The following PRUNE2 variants were observed in gnomAD, a reference collection of about 807,000 sequenced individuals.
PRUNE2 encodes protein prune homolog 2.
Under a neutral mutation model 252.0 loss-of-function variants are expected in PRUNE2, and 164 were observed. The ratio of observed to expected loss-of-function variants is 0.65; its 90% CI spans 0.57 to 0.74. The LOEUF (loss-of-function observed/expected upper bound fraction) is 0.74, where lower values mean the gene tolerates loss of function less well. Among genes scored for constraint, PRUNE2 ranks in the 30% least tolerant of loss-of-function variants. The pLI, the probability that PRUNE2 is intolerant of heterozygous loss-of-function variation, is 0.00. For synonymous variants in PRUNE2, 1,292 were observed against 1,350.2 expected (o/e 0.96, Z 0.94); for missense variants, 3,495 against 3,711.0 (o/e 0.94, Z 1.51).
At chr9:76,834,275 T>A (rs1489022120) in intron 4 of PRUNE2, among the ~76,000 whole-genome samples, 1 of 151,996 alleles carries the variant, frequency 6.6e-6, no homozygotes, top group Non-Finnish European at 1.5e-5. Flanking sequence ...AAAGTATAAA[T>A]AAAGGAAAAT....
rs571779075 is a variant in PRUNE2 at position 76,837,247 on chromosome 9, T to G, written c.508+9268A>C. ...TCACAAGGTGAAGCGATTGAGACCATCCTGGCCAACATGGTGAAACCCCGT... is the reference window on the plus strand; with the variant it reads ...TCACAAGGTGAAGCGATTGAGACCAGCCTGGCCAACATGGTGAAACCCCGT... On this transcript the variant is annotated intron_variant, in intron 4 of 18. Transcript: ENST00000376718. 5.0e-3 allele frequency among the ~76,000 whole-genome samples: 766 copies of G among 152,008 alleles called. 4 individuals carry two copies. The highest frequency in any genetic ancestry group is 0.014 in the African/African-American group (601 of 41,472).
rs147794818 is a variant in PRUNE2 at position 76,886,514 on chromosome 9, T to C, written c.36+19414A>G. Among the ~76,000 whole-genome samples, 451 of 152,348 alleles carry C rather than the reference T, an allele frequency of 3.0e-3. 3 individuals carry two copies. Among genetic ancestry groups the C allele is most frequent in the African/African-American group, 0.01 (426 of 41,582 alleles). ...ACCCATTTCTACCAGGACTTGTCCC[T>C]TGAAGCCAAGCCACTGACTTCCGGA... is the stretch of plus-strand genomic sequence containing the variant. On this transcript the variant is annotated intron_variant, in intron 1 of 18. Coordinates refer to ENST00000376718, the MANE Select transcript of PRUNE2 (RefSeq NM_015225.3).
At chr9:76,892,827 C>A (rs370487517) in intron 1 of PRUNE2, among the ~76,000 whole-genome samples, 2 of 151,926 alleles carry the variant, frequency 1.3e-5, no homozygotes, top group Admixed American at 6.6e-5. Flanking sequence ...GCCAAATATA[C>A]CTTATTGCTT....
At chr9:76,889,278 T>C (rs1242939363) in intron 1 of PRUNE2, among the ~76,000 whole-genome samples, 1 of 152,132 alleles carries the variant, frequency 6.6e-6, no homozygotes, top group Non-Finnish European at 1.5e-5. Context: ...ATGTATTGCA[T>C]GCAGGGCCTG....
At chr9:76,730,698 A>G (rs548494336) in intron 6 of PRUNE2, among the ~76,000 whole-genome samples, 1 of 152,294 alleles carries the variant, frequency 6.6e-6, no homozygotes, top group East Asian at 1.9e-4. Flanking sequence ...TCAGGAGTTC[A>G]AGACCAGCCT....
At chr9:76,676,300 T>G (rs1564005432) in intron 9 of PRUNE2, among the ~76,000 whole-genome samples, 1 of 150,564 alleles carries the variant, frequency 6.6e-6, no homozygotes, top group Non-Finnish European at 1.5e-5. Flanking sequence ...ATGTAAGTGC[T>G]AATCTAAATG....
chr9:76,650,551 C>T (rs1846988501), intron 11 of PRUNE2, among the ~76,000 whole-genome samples: 2 of 152,112 alleles, frequency 1.3e-5, no homozygotes, highest in Admixed American at 1.3e-4. Context: ...GTCACTTATC[C>T]ATGTCCTCAT....
intron 9 of PRUNE2, among the ~76,000 whole-genome samples, chr9:76,699,260 CTTGT>C (rs1394208888): frequency 6.6e-6 from 1 of 151,732 alleles, no homozygotes; most frequent in Non-Finnish European, 1.5e-5. Context: ...TGACTTAATC[CTTGT>C]TTAACATATA....
chr9:76,687,180 C>G (rs1247411309), intron 9 of PRUNE2, among the ~76,000 whole-genome samples: 2 of 152,236 alleles, frequency 1.3e-5, no homozygotes, highest in Non-Finnish European at 2.9e-5. Context: ...TATAGATAAA[C>G]AGTCTCTAGC....
In PRUNE2 at chr9:76,706,267, A is replaced by AT. The variant is rs1266195520; in HGVS notation, c.6006dup (p.Ser2003IlefsTer5). On this transcript the variant is annotated frameshift_variant, in exon 8 of 19. Transcript: ENST00000376718. LOFTEE classifies it high-confidence loss of function. ...GAATTTGTCATCTCACCTAGGTATG[A>AT]TTTTTCTTGTTCCCACTGATTTGTT... is the stretch of plus-strand genomic sequence containing the variant. 3.7e-6 allele frequency: 6 copies of AT among 1,613,668 alleles called. No individual in the cohort carries two copies. The highest frequency in any genetic ancestry group is 5.1e-6 in the Non-Finnish European group (6 of 1,179,848).
chr9:76,865,727 C>T (rs1297437770), intron 1 of PRUNE2, among the ~76,000 whole-genome samples: 1 of 151,714 alleles, frequency 6.6e-6, no homozygotes, highest in Non-Finnish European at 1.5e-5. Flanking sequence ...AAAAGTTATA[C>T]TATAGGCTGC....
chr9:76,677,203 G>T (rs1355098847), intron 9 of PRUNE2, among the ~76,000 whole-genome samples: 14 of 151,552 alleles, frequency 9.2e-5, no homozygotes, highest in Admixed American at 9.2e-4. Context: ...TTTTCACTTT[G>T]GTTTCTTTTA....
At chr9:76,711,434 C>A in intron 7 of PRUNE2, 76 bp from the exon 8 acceptor site, 1 of 860,682 alleles carries the variant, frequency 1.2e-6, no homozygotes, top group Non-Finnish European at 1.8e-6. Context: ...CAATTTATCT[C>A]GCTTAATTTT....
At chr9:76,822,624 A>G (rs143453691) in intron 6 of PRUNE2, among the ~76,000 whole-genome samples, 140 of 152,314 alleles carry the variant, frequency 9.2e-4, no homozygotes, top group African/African-American at 3.3e-3. Context: ...CCTCACCAAT[A>G]TGGTGAAACC....
chr9:76,721,680 A>C (rs1284688906), intron 6 of PRUNE2, among the ~76,000 whole-genome samples: 1 of 152,178 alleles, frequency 6.6e-6, no homozygotes, highest in Non-Finnish European at 1.5e-5. Context: ...GACAATTCCT[A>C]ACTACCTTGC....
At chr9:76,686,832 A>T (rs1358560772) in intron 9 of PRUNE2, among the ~76,000 whole-genome samples, 2 of 152,138 alleles carry the variant, frequency 1.3e-5, no homozygotes, top group Non-Finnish European at 2.9e-5. Context: ...TCTTGGCCTC[A>T]GGAGATCCTC....
intron 1 of PRUNE2, among the ~76,000 whole-genome samples, chr9:76,895,233 T>A (rs1003632794): frequency 6.6e-6 from 1 of 152,180 alleles, no homozygotes; most frequent in Non-Finnish European, 1.5e-5. Flanking sequence ...CCTTATTTTA[T>A]ACCTCTGTGG....
chr9:76,692,178 C>A lies in PRUNE2; in HGVS notation c.8276+11159G>T, dbSNP rs1229587344. On this transcript the variant is annotated intron_variant, in intron 9 of 18. Transcript: ENST00000376718. ...GCAGTTAACTGGAAATACAGATTCG[C>A]CTCCATTTTCTGGTCACATGATCTC... 3 of 717,324 alleles carry A rather than the reference C, an allele frequency of 4.2e-6. No individual in the cohort carries two copies. The South Asian group carries it at 4.4e-5, about 11-fold the overall frequency. The allele number at this position is 717,324 out of a possible 1,614,324, so 44.4% of individuals were successfully genotyped here.
rs540716868 is a variant in PRUNE2 at position 76,707,979 on chromosome 9, T to G, written c.4295A>C (p.Lys1432Thr). 6.2e-7 allele frequency: 1 copy of G among 1,613,826 alleles called. No individual in the cohort carries two copies. Among genetic ancestry groups the G allele is most frequent in the African/African-American group, 1.3e-5 (1 of 74,908 alleles). The change falls in exon 8 of 19, where the codon AAA (lysine) becomes ACA (threonine). Residue 1432 changes from lysine to threonine, a missense_variant. Transcript: ENST00000376718. ...DNLQPKDTHE[K>T]HLMSQRNSGE... Reference sequence around the variant, plus strand: ...TGAATTTCTTTGACTCATGAGGTGTTTTTCATGGGTATCTTTTGGCTGCAG... The same window carrying G: ...TGAATTTCTTTGACTCATGAGGTGTGTTTCATGGGTATCTTTTGGCTGCAG...
Sources: gnomAD v4.1 joint callset for allele counts (sites outside exome capture counted in the v4.1 genomes callset) on GRCh38, gnomAD v4.1.1 for gene constraint, MANE v1.5 for transcripts, NCBI Gene and HGNC (gene_info 2026-07-23, HGNC 2026-07-21) for gene names.